KCNQ3: variants seen among roughly 807,000 people sequenced by gnomAD.
KCNQ3 encodes potassium voltage-gated channel subfamily KQT member 3.
A neutral mutation model predicts 92.5 loss-of-function variants in KCNQ3; 30 were observed. The ratio of observed to expected loss-of-function variants is 0.32; its 90% CI spans 0.24 to 0.44. KCNQ3 has a LOEUF of 0.44. Among genes scored for constraint, KCNQ3 ranks in the 20% least tolerant of loss-of-function variants. The pLI, the probability that KCNQ3 is intolerant of heterozygous loss-of-function variation, is 1.00. For missense variants in KCNQ3, 913 were observed against 1,140.3 expected (o/e 0.80, Z 2.87); for synonymous variants, 450 against 468.8 (o/e 0.96, Z 0.52).
intron 1 of KCNQ3, among the ~76,000 whole-genome samples, chr8:132,343,299 A>G (rs1586942863): frequency 6.6e-6 from 1 of 152,212 alleles, no homozygotes; most frequent in African/African-American, 2.4e-5. Flanking sequence ...CATGGAAGAC[A>G]CATCTTTGTT....
intron 11 of KCNQ3, among the ~76,000 whole-genome samples, chr8:132,139,874 A>G (rs1825228079): frequency 6.6e-6 from 1 of 152,206 alleles, no homozygotes; most frequent in Non-Finnish European, 1.5e-5. Flanking sequence ...CGAGTCACCC[A>G]TCATGACTTG....
intron 1 of KCNQ3, among the ~76,000 whole-genome samples, chr8:132,275,981 T>C (rs1816315615): frequency 1.3e-5 from 2 of 152,160 alleles, no homozygotes; most frequent in Non-Finnish European, 2.9e-5. Context: ...GTACAAACTA[T>C]GATTTACTGA....
At chr8:132,371,605 C>T (rs544249338) in intron 1 of KCNQ3, among the ~76,000 whole-genome samples, 1 of 152,194 alleles carries the variant, frequency 6.6e-6, no homozygotes, top group Non-Finnish European at 1.5e-5. Flanking sequence ...TCTCTGAGAT[C>T]TTGCTCTGTT....
chr8:132,242,260 T>C (rs1207389437), intron 1 of KCNQ3, among the ~76,000 whole-genome samples: 3 of 152,212 alleles, frequency 2.0e-5, no homozygotes, highest in African/African-American at 7.2e-5. Context: ...GAACACCTAC[T>C]GTCCATAGGA....
chr8:132,328,360 T>A (rs77494949), intron 1 of KCNQ3, among the ~76,000 whole-genome samples: 1,666 of 152,200 alleles, frequency 0.011, 37 homozygotes, highest in African/African-American at 0.038. Flanking sequence ...ACTGAGGCTA[T>A]ATAAGGGAGA....
rs1390081997 is a variant in KCNQ3, at chr8:132,130,090, T to TG, written c.1885-95_1885-94insC. 419 of 1,410,840 alleles carry TG rather than the reference T, an allele frequency of 3.0e-4. 1 individual carries two copies. The East Asian group carries it at 9.3e-3, about 31-fold the overall frequency. 87.4% of individuals were successfully genotyped at this position (1,410,840 alleles called of 1,614,324 possible). ...GGAAATATTCTTTTTTTTTGTTTTT[T>TG]TTTTTTTTTTGAGACGAAGTCTCAG... is the stretch of plus-strand genomic sequence containing the variant. On this transcript the variant is annotated intron_variant, in intron 14 of 14. Coordinates refer to ENST00000388996, the MANE Select transcript of KCNQ3 (RefSeq NM_004519.4).
chr8:132,194,283 TAAG>T (rs1206847533), intron 1 of KCNQ3, among the ~76,000 whole-genome samples: 2 of 152,226 alleles, frequency 1.3e-5, no homozygotes, highest in Admixed American at 6.5e-5. Context: ...TCTTCGATCT[TAAG>T]AAGGAGACAT....
chr8:132,156,398 G>A (rs1825796629), intron 9 of KCNQ3, among the ~76,000 whole-genome samples: 1 of 151,998 alleles, frequency 6.6e-6, no homozygotes, highest in Admixed American at 6.6e-5. Flanking sequence ...GTCTGACTCT[G>A]GACTCTGTCC....
chr8:132,347,232 A>G (rs1012259127), intron 1 of KCNQ3, among the ~76,000 whole-genome samples: 2 of 152,182 alleles, frequency 1.3e-5, no homozygotes, highest in Non-Finnish European at 2.9e-5. Context: ...GACTTTGCCA[A>G]TGGAATTCCT....
At chr8:132,254,275 C>A (rs1815507741) in intron 1 of KCNQ3, among the ~76,000 whole-genome samples, 1 of 152,166 alleles carries the variant, frequency 6.6e-6, no homozygotes, top group African/African-American at 2.4e-5. Flanking sequence ...GATAGATGTG[C>A]TCGACTTTAC....
At chr8:132,220,811 C>CTTT (rs201993680) in intron 1 of KCNQ3, among the ~76,000 whole-genome samples, 10,022 of 92,592 alleles carry the variant, frequency 0.11, 427 homozygotes, top group African/African-American at 0.21. Context: ...TGGCATGAAA[C>CTTT]TTTTTTTTAT....
intron 1 of KCNQ3, among the ~76,000 whole-genome samples, chr8:132,269,165 T>G (rs1816077223): frequency 6.6e-6 from 1 of 152,242 alleles, no homozygotes; most frequent in East Asian, 1.9e-4. Flanking sequence ...TGTGCTTGTC[T>G]TTTCATTCTC....
intron 1 of KCNQ3, among the ~76,000 whole-genome samples, chr8:132,196,028 G>A (rs933433815): frequency 6.6e-6 from 1 of 152,108 alleles, no homozygotes; most frequent in African/African-American, 2.4e-5. Context: ...ATACCTAATA[G>A]ATCTCCAAAA....
intron 1 of KCNQ3, among the ~76,000 whole-genome samples, chr8:132,283,858 C>T (rs571508881): frequency 6.6e-6 from 1 of 152,296 alleles, no homozygotes; most frequent in East Asian, 1.9e-4. Flanking sequence ...ACAAGGATTA[C>T]AAGTCTAGCA....
chr8:132,136,140 A>T (rs1450055024), intron 12 of KCNQ3, among the ~76,000 whole-genome samples: 1 of 149,984 alleles, frequency 6.7e-6, no homozygotes, highest in Admixed American at 6.6e-5. Flanking sequence ...AAAAAAAAAA[A>T]AAAAAAGAAA....
At chr8:132,322,522 A>G (rs978924039) in intron 1 of KCNQ3, among the ~76,000 whole-genome samples, 7 of 152,188 alleles carry the variant, frequency 4.6e-5, no homozygotes, top group Non-Finnish European at 1.0e-4. Flanking sequence ...GCCCTCTGGT[A>G]TTCCCCGCAT....
chr8:132,463,882 G>A (rs139150280), intron 1 of KCNQ3, among the ~76,000 whole-genome samples: 20 of 152,194 alleles, frequency 1.3e-4, no homozygotes, highest in African/African-American at 3.1e-4. Context: ...GCACAGTCTC[G>A]GCTCACCGCA....
chr8:132,173,116 A>G (rs1264372362), intron 6 of KCNQ3, among the ~76,000 whole-genome samples: 1 of 152,250 alleles, frequency 6.6e-6, no homozygotes, highest in Non-Finnish European at 1.5e-5. Flanking sequence ...AGTTTTAAAA[A>G]TATTTTAGCT....
In KCNQ3 at chr8:132,282,534, C is replaced by A. The variant is rs76949118; in HGVS notation, c.387-96353G>T. On this transcript the variant is annotated intron_variant, in intron 1 of 14. Coordinates refer to ENST00000388996, the MANE Select transcript of KCNQ3 (RefSeq NM_004519.4). ...TTCTTTCTTCCCACAGTGCTTATCC[C>A]CCCTTGCTCTGCTCCCGCCCCCTGG... 1.7e-3 allele frequency among the ~76,000 whole-genome samples: 264 copies of A among 152,272 alleles called. 2 individuals are homozygous for A. The highest frequency in any genetic ancestry group is 6.1e-3 in the African/African-American group (253 of 41,570).
Sources: allele counts gnomAD v4.1 joint callset (sites outside exome capture counted in the v4.1 genomes callset), GRCh38; gene constraint gnomAD v4.1.1; transcripts MANE v1.5; gene names NCBI Gene and HGNC (gene_info 2026-07-23, HGNC 2026-07-21).